Variants in CNTNAP4 observed in about 807,000 individuals in gnomAD.
CNTNAP4 encodes the protein contactin-associated protein-like 4.
Under a neutral mutation model 148.4 loss-of-function variants are expected in CNTNAP4, and 98 were observed. The ratio of observed to expected loss-of-function variants is 0.66; its 90% CI spans 0.56 to 0.78. CNTNAP4 has a LOEUF of 0.78. Ranked by LOEUF, CNTNAP4 falls within the 30% of genes least tolerant of loss-of-function variation. CNTNAP4 has a pLI of 0.00. For missense variants in CNTNAP4, 1,935 were observed against 1,565.6 expected (o/e 1.24, Z -3.98); for synonymous variants, 730 against 565.1 (o/e 1.29, Z -4.14).
intron 3 of CNTNAP4, among the ~76,000 whole-genome samples, chr16:76,359,711 A>C (rs771305552): frequency 6.6e-6 from 1 of 152,230 alleles, no homozygotes; most frequent in Non-Finnish European, 1.5e-5. Context: ...ATGGCAAACA[A>C]ATATTTTATG....
At chr16:76,363,797 A>T (rs1331380096) in intron 3 of CNTNAP4, among the ~76,000 whole-genome samples, 1 of 152,166 alleles carries the variant, frequency 6.6e-6, no homozygotes, top group African/African-American at 2.4e-5. Flanking sequence ...ATCACAAGTC[A>T]ACACAGTTAG....
intron 18 of CNTNAP4, among the ~76,000 whole-genome samples, chr16:76,537,170 C>T (rs2084247078): frequency 6.6e-6 from 1 of 152,126 alleles, no homozygotes; most frequent in African/African-American, 2.4e-5. Context: ...TAAATAATTT[C>T]CAGTTCATCT....
rs748337955 is a variant in CNTNAP4 at position 76,448,119 on chromosome 16, C to A, written c.646C>A (p.Gln216Lys). The A allele has an allele frequency of 4.3e-6, 7 of 1,613,058 alleles. No individual in the cohort carries two copies. In the South Asian group the frequency reaches 7.7e-5, roughly 18 times the overall value. The change falls in exon 5 of 24, where the codon CAG becomes AAG. Residue 216 changes from glutamine to lysine, a missense_variant. Gln to Lys is a moderately conservative substitution (Grantham distance 53). Transcript: ENST00000611870. ...TATTTCTTTGAAATTCAAAACCATG[C>A]AGAGTGATGGGATTCTACTCCACAG... ...DIISLKFKTM[Q>K]SDGILLHREG... is the part of the protein sequence containing the mutation.
At chr16:76,335,190 G>T (rs1478429924) in intron 2 of CNTNAP4, among the ~76,000 whole-genome samples, 1 of 152,120 alleles carries the variant, frequency 6.6e-6, no homozygotes, top group East Asian at 1.9e-4. Flanking sequence ...GGTTGATCTT[G>T]TAAAAGGTGA....
intron 15 of CNTNAP4, among the ~76,000 whole-genome samples, chr16:76,520,414 G>T (rs1002853995): frequency 6.6e-6 from 1 of 152,062 alleles, no homozygotes. Flanking sequence ...ATTTTTTTCA[G>T]ATCTCTTAAT....
At chr16:76,427,807 A>G (rs564429669) in intron 4 of CNTNAP4, among the ~76,000 whole-genome samples, 1 of 152,322 alleles carries the variant, frequency 6.6e-6, no homozygotes, top group South Asian at 2.1e-4. Context: ...AGATGGAAGC[A>G]CTTGATAGAT....
At chr16:76,476,532 A>G (rs369579384) in intron 11 of CNTNAP4, among the ~76,000 whole-genome samples, 2 of 152,222 alleles carry the variant, frequency 1.3e-5, no homozygotes, top group South Asian at 2.1e-4. Context: ...TAGCTGTAAC[A>G]TAATGCCATA....
intron 18 of CNTNAP4, among the ~76,000 whole-genome samples, chr16:76,537,466 G>C (rs12051486): frequency 0.69 from 104,164 of 151,368 alleles, 36,039 homozygotes; most frequent in Middle Eastern, 0.81. Flanking sequence ...GAGAGAGAGA[G>C]AGAGGAAGAC....
At chr16:76,421,844 A>G (rs1407984761) in intron 3 of CNTNAP4, among the ~76,000 whole-genome samples, 1 of 152,072 alleles carries the variant, frequency 6.6e-6, no homozygotes, top group Non-Finnish European at 1.5e-5. Flanking sequence ...GCTGCTCTTT[A>G]TTTGGATGGA....
chr16:76,428,059 G>A (rs1364825357), intron 4 of CNTNAP4, among the ~76,000 whole-genome samples: 1 of 152,086 alleles, frequency 6.6e-6, no homozygotes, highest in Non-Finnish European at 1.5e-5. Context: ...ACCTTTAAAT[G>A]TGCTATGCTG....
At chr16:76,392,044 G>A (rs2017045665) in intron 3 of CNTNAP4, among the ~76,000 whole-genome samples, 2 of 152,208 alleles carry the variant, frequency 1.3e-5, no homozygotes. Context: ...AGGCTGGAGT[G>A]AAGTGGCACA....
chr16:76,411,711 A>G (rs1161838133), intron 3 of CNTNAP4, among the ~76,000 whole-genome samples: 4 of 151,494 alleles, frequency 2.6e-5, no homozygotes, highest in Non-Finnish European at 1.5e-5. Context: ...AAATACATGC[A>G]AAATTTAAAT....
intron 2 of CNTNAP4, among the ~76,000 whole-genome samples, chr16:76,317,279 A>AAAAAAAAAAACC: frequency 3.0e-5 from 1 of 33,694 alleles, no homozygotes; most frequent in African/African-American, 1.9e-4. Flanking sequence ...AAAAAAAACC[A>AAAAAAAAAAACC]AAAAAAAAAA....
rs190883789 is a variant in CNTNAP4, at chr16:76,465,711, C to T, written c.1484-1641C>T. 1.2e-4 allele frequency among the ~76,000 whole-genome samples: 19 copies of T among 152,270 alleles called. No homozygotes were observed. In the East Asian group the frequency reaches 3.7e-3, roughly 29 times the overall value. ...CTGAGATTATGGTAACCATATCTTA[C>T]ACTACAGAAGAAATTTAAGCGCTGG... is the stretch of plus-strand genomic sequence containing the variant. On this transcript the variant is annotated intron_variant, in intron 9 of 23. Transcript: ENST00000611870.
At chr16:76,509,277 G>A (rs1270101724) in intron 15 of CNTNAP4, among the ~76,000 whole-genome samples, 3 of 96,466 alleles carry the variant, frequency 3.1e-5, no homozygotes, top group African/African-American at 7.8e-5. Context: ...GAGCTAAGCA[G>A]TATCCCTGGT....
At chr16:76,413,001 AT>A (rs1227118371) in intron 3 of CNTNAP4, among the ~76,000 whole-genome samples, 4 of 151,188 alleles carry the variant, frequency 2.6e-5, no homozygotes, top group African/African-American at 9.7e-5. Flanking sequence ...TTTCTTTTTA[AT>A]TTTTTATGGG....
At chr16:76,411,449 G>C (rs982768550) in intron 3 of CNTNAP4, among the ~76,000 whole-genome samples, 1 of 151,198 alleles carries the variant, frequency 6.6e-6, no homozygotes, top group Non-Finnish European at 1.5e-5. Context: ...TTTTCTTTCA[G>C]CACTGAACAA....
intron 9 of CNTNAP4, among the ~76,000 whole-genome samples, chr16:76,465,458 G>C (rs1436551965): frequency 6.6e-6 from 1 of 152,098 alleles, no homozygotes; most frequent in African/African-American, 2.4e-5. Flanking sequence ...ATCTTTCCTG[G>C]TGACTCTGGG....
chr16:76,450,903 G>C (rs1219994899), intron 7 of CNTNAP4, among the ~76,000 whole-genome samples: 1 of 152,204 alleles, frequency 6.6e-6, no homozygotes, highest in South Asian at 2.1e-4. Context: ...GCCTGGCAGG[G>C]GAAGTGCGAG....
Sources: gnomAD v4.1 joint callset for allele counts (sites outside exome capture counted in the v4.1 genomes callset) on GRCh38, gnomAD v4.1.1 for gene constraint, MANE v1.5 for transcripts, NCBI Gene and HGNC (gene_info 2026-07-23, HGNC 2026-07-21) for gene names.